DIXDC1: variants seen among roughly 807,000 people sequenced by gnomAD.
DIXDC1 encodes the protein DIX domain containing 1, also known as dixin.
In DIXDC1, 64 loss-of-function variants were observed where a neutral mutation model predicts 103.1. That is an observed-to-expected ratio of 0.62 (90% CI 0.51 to 0.76). The LOEUF is 0.76. Ranked by LOEUF, DIXDC1 falls within the 30% of genes least tolerant of loss-of-function variation. The pLI is 0.00. For synonymous variants in DIXDC1, 266 were observed against 298.5 expected, an observed-to-expected ratio of 0.89 and a Z score of 1.12; for missense variants, 759 against 834.2, an observed-to-expected ratio of 0.91 and a Z score of 1.11.
chr11:111,935,771 CT>C (rs1429809025), upstream of DIXDC1, among the ~76,000 whole-genome samples: 4 of 152,318 alleles, frequency 2.6e-5, no homozygotes, highest in African/African-American at 9.6e-5. Context: ...GGTCTTTGGA[CT>C]TGTGGGCTGC....
chr11:111,935,797 A>G (rs1966169757), upstream of DIXDC1, among the ~76,000 whole-genome samples: 1 of 152,110 alleles, frequency 6.6e-6, no homozygotes, highest in African/African-American at 2.4e-5. Flanking sequence ...GTTTAGAATG[A>G]TTTGGTGTCT....
At position 111,977,809 on chromosome 11, in the gene DIXDC1, C is replaced by T. The variant is rs1555172829; in HGVS notation, c.656+2826C>T. The T allele has an allele frequency of 1.3e-6, 2 of 1,554,482 alleles. No individual in the cohort carries two copies. The highest frequency in any genetic ancestry group is 1.7e-6 in the Non-Finnish European group (2 of 1,149,912). On this transcript the variant is annotated intron_variant, in intron 5 of 19. Coordinates refer to ENST00000440460, the MANE Select transcript of DIXDC1 (RefSeq NM_001037954.4). This position sits in a 1 kb window ranked among gnomAD's most constrained non-coding sequence, Gnocchi z 6.1. ...CAAGTCAAATGGTGAGCTGAAGCCA[C>T]TCTGGCTTTGGAAGTGGGGGGCCTG... is the stretch of plus-strand genomic sequence containing the variant.
Position 111,974,046 on chromosome 11 carries a change from T to G in DIXDC1, c.340T>G (p.Ser114Ala). 2 of 1,613,900 alleles carry G rather than the reference T, an allele frequency of 1.2e-6. No homozygotes were observed. Among genetic ancestry groups the G allele is most frequent in the Non-Finnish European group, 1.7e-6 (2 of 1,179,892 alleles). Residue 114 changes from serine (S) to alanine (A), a missense_variant, in exon 4 of 20, where the codon TCT becomes GCT. This residue lies in a region of DIXDC1 where 657 missense variants were observed against 727.5 expected (regional missense o/e 0.90). Transcript: ENST00000440460. ...AKDIVDGNLK[S>A]IMRLVLALAA... ...AGATATTGTGGATGGAAACCTGAAG[T>G]CTATCATGAGGCTGGTCCTTGCCTT...
At position 111,990,982 on chromosome 11, in the gene DIXDC1, G is replaced by C. The variant is rs587743458; in HGVS notation, c.1114-1433G>C. On this transcript the variant is annotated intron_variant, in intron 10 of 19. Transcript: ENST00000440460. ...GGCCTCCAAAAGTGCTGGGATTACA[G>C]GTGTGAGCCACCATGCCGAGCCTGA... Among the ~76,000 whole-genome samples, 6 of 152,328 alleles carry C rather than the reference G, an allele frequency of 3.9e-5. No homozygotes were observed. In the South Asian group the frequency reaches 1.2e-3, roughly 32 times the overall value.
At chr11:111,991,897 A>C (rs79950293) in intron 10 of DIXDC1, among the ~76,000 whole-genome samples, 1 of 152,150 alleles carries the variant, frequency 6.6e-6, no homozygotes, top group East Asian at 1.9e-4. Flanking sequence ...AGTGGCGGGC[A>C]TGAATAGGGC....
At chr11:111,981,397 G>A (rs1300624993) in intron 6 of DIXDC1, among the ~76,000 whole-genome samples, 1 of 152,218 alleles carries the variant, frequency 6.6e-6, no homozygotes, top group African/African-American at 2.4e-5. Context: ...GAAGCAAAGT[G>A]CAAGACTTAG....
chr11:111,934,194 C>T (rs782029101), upstream of DIXDC1, among the ~76,000 whole-genome samples: 8 of 152,122 alleles, frequency 5.3e-5, no homozygotes, highest in Non-Finnish European at 1.2e-4. Context: ...AAAAATCCTA[C>T]TGTTTATGGT....
rs1331121312 is a variant in DIXDC1 at position 111,937,387 on chromosome 11, C to A, written c.-113C>A. 4.0e-6 allele frequency: 6 copies of A among 1,481,724 alleles called. No individual in the cohort carries two copies. The South Asian group carries it at 6.8e-5, about 17-fold the overall frequency. 91.8% of individuals were successfully genotyped at this position (1,481,724 alleles called of 1,614,324 possible). A position where few individuals can be genotyped will look rare whatever the true frequency, so the allele number is the denominator to read the frequency against. On this transcript the variant is annotated 5_prime_UTR_variant, in exon 1 of 20. Coordinates refer to ENST00000440460, the MANE Select transcript of DIXDC1 (RefSeq NM_001037954.4). The stretch of plus-strand genomic sequence containing the variant: ...TTTCCAGTAAGTGGCATGCGGGACT[C>A]CGGAGGGATCCCAATGAGCTGAGCC...
chr11:111,933,523 G>A (rs188311191), upstream of DIXDC1, among the ~76,000 whole-genome samples: 14 of 151,906 alleles, frequency 9.2e-5, no homozygotes, highest in East Asian at 1.9e-4. Flanking sequence ...TCAACCTCCC[G>A]GGCTCAAGCG....
In DIXDC1 at chr11:111,998,535, T is replaced by C. The variant is rs1253639001; in HGVS notation, c.1756+2389T>C. Among the ~76,000 whole-genome samples, 1 of 152,178 alleles carries C rather than the reference T, an allele frequency of 6.6e-6. No homozygotes were observed. The highest frequency in any genetic ancestry group is 1.5e-5 in the Non-Finnish European group (1 of 68,030). ...AGTTATTTTCTGAGCTTCAGTACTA[T>C]TTTTTATTTTTATTTTTATTTACTT... On this transcript the variant is annotated intron_variant, in intron 17 of 19. Transcript: ENST00000440460. The surrounding 1 kb of genome is among the most constrained non-coding windows in gnomAD (Gnocchi z 4.1).
At chr11:111,933,277 C>G (rs1273600797), upstream of DIXDC1, among the ~76,000 whole-genome samples, 1 of 152,028 alleles carries the variant, frequency 6.6e-6, no homozygotes, top group South Asian at 2.1e-4. Flanking sequence ...TACAGGCATG[C>G]GCCACCATGC....
chr11:112,009,064 A>G (rs1194266531), intron 17 of DIXDC1, among the ~76,000 whole-genome samples: 1 of 152,166 alleles, frequency 6.6e-6, no homozygotes. Context: ...CGCTAGCAAG[A>G]CTAATAAAGA....
At chr11:111,984,542 T>C (rs1211050744) in intron 7 of DIXDC1, among the ~76,000 whole-genome samples, 1 of 152,116 alleles carries the variant, frequency 6.6e-6, no homozygotes, top group African/African-American at 2.4e-5. Flanking sequence ...TGTCTCCAAA[T>C]ATTATAATAA....
chr11:111,931,997 T>C (rs1175307841), intron 2 of DIXDC1, among the ~76,000 whole-genome samples: 1 of 150,502 alleles, frequency 6.6e-6, no homozygotes. Context: ...CTTAATATAA[T>C]ACTCACCCAC....
At chr11:111,941,074 G>A (rs782195740) in intron 1 of DIXDC1, among the ~76,000 whole-genome samples, 13 of 152,184 alleles carry the variant, frequency 8.5e-5, no homozygotes, top group African/African-American at 1.4e-4. Flanking sequence ...GTGACCGCAC[G>A]TGACTGGTGA....
intron 4 of DIXDC1, 174 bp downstream of exon 4, chr11:111,974,428 A>T (rs1860032998): frequency 3.1e-6 from 2 of 646,130 alleles, no homozygotes; most frequent in African/African-American, 1.8e-5. Flanking sequence ...TTTTCTTCTG[A>T]GATGTTTATT....
intron 2 of DIXDC1, among the ~76,000 whole-genome samples, chr11:111,931,163 C>G (rs1027082568): frequency 6.6e-6 from 1 of 151,870 alleles, no homozygotes; most frequent in East Asian, 1.9e-4. Context: ...CGAGACCCCC[C>G]CTTTCTACAA....
intron 17 of DIXDC1, among the ~76,000 whole-genome samples, chr11:112,012,623 C>T (rs1861459276): frequency 6.6e-6 from 1 of 152,160 alleles, no homozygotes; most frequent in Admixed American, 6.5e-5. Context: ...TTTTCAAAAT[C>T]ATGTATTAAA....
intron 7 of DIXDC1, among the ~76,000 whole-genome samples, chr11:111,984,739 G>C (rs1180738218): frequency 4.6e-5 from 7 of 152,100 alleles, no homozygotes; most frequent in Non-Finnish European, 1.5e-5. Flanking sequence ...TTTCCTTCTT[G>C]TTCAATAGAG....
Sources: allele counts gnomAD v4.1 joint callset (sites outside exome capture counted in the v4.1 genomes callset), GRCh38; gene constraint gnomAD v4.1.1; regional missense constraint gnomAD v4.1.1; non-coding constraint Gnocchi (gnomAD v3.1); transcripts MANE v1.5; gene names NCBI Gene and HGNC (gene_info 2026-07-23, HGNC 2026-07-21).